Variants in GAS2L1 observed in about 807,000 individuals in gnomAD.
GAS2L1 encodes GAS2-like protein 1.
A neutral mutation model predicts 44.0 loss-of-function variants in GAS2L1; 26 were observed. That is an observed-to-expected ratio of 0.59 (90% CI 0.43 to 0.82). GAS2L1 has a LOEUF of 0.82. GAS2L1 is among the 40% of genes least tolerant of loss of function. The probability of loss-of-function intolerance (pLI) is 0.00; values close to 1 mark genes in which losing one functional copy is unlikely to be tolerated. For synonymous variants in GAS2L1, 426 were observed against 415.9 expected (o/e 1.02, Z -0.30); for missense variants, 1,006 against 983.0 (o/e 1.02, Z -0.31).
rs887376204 is a variant in GAS2L1, at chr22:29,312,337, G to A, written c.1886G>A (p.Arg629Lys). 4 of 1,605,142 alleles carry A rather than the reference G, an allele frequency of 2.5e-6. No individual in the cohort carries two copies. In the East Asian group the frequency reaches 9.0e-5, roughly 36 times the overall value. The change falls in exon 5 of 5, where the codon AGG becomes AAG. Residue 629 changes from arginine (R) to lysine (K), a missense_variant. Arg to Lys is a conservative substitution (Grantham distance 26). Transcript: ENST00000618518. ...CCCCTGGCTTGCACTGAACCCTCGA[G>A]GACCTGGGCACGGGGTCGGATGGAC...
chr22:29,309,879 G>A (rs1010540104), intron 1 of GAS2L1, among the ~76,000 whole-genome samples: 4 of 152,182 alleles, frequency 2.6e-5, no homozygotes, highest in Non-Finnish European at 5.9e-5. Context: ...GTTCGTCACC[G>A]GGTCTCAGAC....
At chr22:29,310,616 C>G (rs931785045) in intron 2 of GAS2L1, 22 bp from the exon 4 acceptor site, 3 of 1,599,936 alleles carry the variant, frequency 1.9e-6, no homozygotes, top group East Asian at 2.2e-5. Context: ...GGGGCACAGC[C>G]GTGACCTGCC....
exon 4 of GAS2L1, chr22:29,310,935 C>T: frequency 1.2e-6 from 2 of 1,613,738 alleles, no homozygotes; most frequent in Non-Finnish European, 1.7e-6. Flanking sequence ...CGCCGGGGCT[C>T]CCGGCCTGAG....
exon 1 of GAS2L1, chr22:29,308,406 G>A (rs2061370724): frequency 1.2e-6 from 2 of 1,608,256 alleles, no homozygotes; most frequent in Non-Finnish European, 8.5e-7. Flanking sequence ...CATGGCGCGC[G>A]ACAACGTGGC....
At chr22:29,307,260 C>G (rs1369893365) in exon 1 of GAS2L1, 1 of 152,222 alleles carries the variant, frequency 6.6e-6, no homozygotes, top group Non-Finnish European at 1.5e-5. Context: ...GGCTGTGTGA[C>G]CTTGGGCGGC....
rs542840621 is a variant in GAS2L1 at position 29,308,097 on chromosome 22, G to A, written c.-9G>A. 1.1e-5 allele frequency: 17 copies of A among 1,538,214 alleles called. No homozygotes were observed. In the African/African-American group the frequency reaches 1.6e-4, roughly 15 times the overall value. ...TGTTCCTGCCCACAGTGACTCGGCC[G>A]GTCCGGGCATGGCAGACCCAGTGGC... is the stretch of plus-strand genomic sequence containing the variant. On this transcript the variant is annotated 5_prime_UTR_variant, in exon 1 of 5. Transcript: ENST00000618518.
chr22:29,308,164 G>A lies in GAS2L1; in HGVS notation c.59G>A (p.Arg20His), dbSNP rs2061366975. The stretch of plus-strand genomic sequence containing the variant: ...GCGGCCAAGAGCGTGCGGCCATTTC[G>A]CTCCAGTGAGGCCTACGTGGAGGCC... Residue 20 changes from arginine to histidine, a missense_variant, in exon 1 of 5, where the codon CGC becomes CAC. Arg to His is a conservative substitution (Grantham distance 29). Coordinates refer to ENST00000618518, the Ensembl canonical transcript of GAS2L1. The A allele has an allele frequency of 4.4e-6, 7 of 1,591,960 alleles. No individual in the cohort carries two copies. The highest frequency in any genetic ancestry group is 1.7e-5 in the Admixed American group (1 of 59,048).
chr22:29,310,911 T>A, exon 4 of GAS2L1: 1 of 1,613,546 alleles, frequency 6.2e-7, no homozygotes. Flanking sequence ...GCTAGCCCAG[T>A]CCCTGGGAGT....
At chr22:29,311,333 C>T (rs2061403145) in intron 4 of GAS2L1, 129 bp from the exon 6 acceptor site, 1 of 599,730 alleles carries the variant, frequency 1.7e-6, no homozygotes, top group Non-Finnish European at 2.9e-6. Context: ...CCTGGAAGTC[C>T]CCAGGACAGA....
chr22:29,309,375 A>G (rs911822094), intron 1 of GAS2L1, among the ~76,000 whole-genome samples: 2 of 152,180 alleles, frequency 1.3e-5, no homozygotes, highest in Non-Finnish European at 2.9e-5. Context: ...CTCCTCTCCC[A>G]GGATCTGGGT....
exon 5 of GAS2L1, chr22:29,312,071 C>T (rs1405355960): frequency 1.2e-6 from 2 of 1,612,848 alleles, no homozygotes; most frequent in African/African-American, 1.3e-5. Context: ...GCGTGACCCC[C>T]ACTGGACCAG....
chr22:29,311,491 G>A (rs892564399), exon 5 of GAS2L1: 11 of 1,483,596 alleles, frequency 7.4e-6, no homozygotes, highest in Non-Finnish European at 9.9e-6. Context: ...CCCCATCCCC[G>A]CTCCCGCCGC....
chr22:29,310,512 G>C (rs931687305), exon 2 of GAS2L1: 5 of 1,611,192 alleles, frequency 3.1e-6, no homozygotes, highest in Admixed American at 3.3e-5. Flanking sequence ...GGGAAGTACC[G>C]TGTGGGGGAC....
Position 29,308,688 on chromosome 22 carries a change from G to A in GAS2L1, c.583G>A (p.Ala195Thr), listed in dbSNP as rs766096399. The A allele has an allele frequency of 4.0e-6, 6 of 1,506,818 alleles. No individual in the cohort carries two copies. In the South Asian group the frequency reaches 5.3e-5, roughly 13 times the overall value. The allele number at this position is 1,506,818 out of a possible 1,614,324, so 93.3% of individuals were successfully genotyped here. The change falls in exon 1 of 5, where the codon GCC becomes ACC. Residue 195 changes from alanine (A) to threonine (T), a missense_variant. Physicochemically the swap from Ala to Thr is moderately conservative, Grantham distance 58 (BLOSUM62 0). Transcript: ENST00000618518. Reference sequence around the variant, plus strand: ...AACCGCCCCCGCACCAGGGACTCCTGCCCGCGGCCCCCGCATGACACCCAG... The same window carrying A: ...AACCGCCCCCGCACCAGGGACTCCTACCCGCGGCCCCCGCATGACACCCAG...
Position 29,308,745 on chromosome 22 carries a change from C to A in GAS2L1, c.633+7C>A, listed in dbSNP as rs1350549234. 8 of 1,483,074 alleles carry A rather than the reference C, an allele frequency of 5.4e-6. No homozygotes were observed. Among genetic ancestry groups the A allele is most frequent in the Admixed American group, 4.7e-5 (2 of 42,256 alleles). The allele number at this position is 1,483,074 out of a possible 1,614,324, so 91.9% of individuals were successfully genotyped here. A position where few individuals can be genotyped will look rare whatever the true frequency, so the allele number is the denominator to read the frequency against. On this transcript the variant is annotated splice_region_variant and intron_variant, in intron 1 of 4. Transcript: ENST00000618518. Reference sequence around the variant, plus strand: ...GCGCAACCTCGACGAGCTGGTGAGTCCCCCAGCACCAGGTGCCAGGGACCC... The same window carrying A: ...GCGCAACCTCGACGAGCTGGTGAGTACCCCAGCACCAGGTGCCAGGGACCC...
exon 5 of GAS2L1, chr22:29,312,242 C>T: frequency 6.2e-7 from 1 of 1,612,958 alleles, no homozygotes; most frequent in Non-Finnish European, 8.5e-7. Flanking sequence ...GAAGCCAAGC[C>T]CTTTCCAGCT....
chr22:29,310,069 C>A (rs972834535), intron 1 of GAS2L1, among the ~76,000 whole-genome samples: 18 of 151,968 alleles, frequency 1.2e-4, no homozygotes, highest in Non-Finnish European at 1.6e-4. Context: ...ATGGAGAAAC[C>A]CCATCTCTAC....
chr22:29,311,875 C>G (rs1267680327), exon 5 of GAS2L1: 3 of 1,597,634 alleles, frequency 1.9e-6, no homozygotes, highest in Middle Eastern at 3.3e-4. Context: ...CCCCAGACTC[C>G]CCGTGCCCGC....
chr22:29,311,889 C>A, exon 5 of GAS2L1: 4 of 1,600,164 alleles, frequency 2.5e-6, no homozygotes, highest in Non-Finnish European at 2.5e-6. Context: ...TGCCCGCAGC[C>A]CTGCAGCACC....
Sources: allele counts gnomAD v4.1 joint callset (sites outside exome capture counted in the v4.1 genomes callset), GRCh38; gene constraint gnomAD v4.1.1; transcripts MANE v1.5; gene names NCBI Gene and HGNC (gene_info 2026-07-23, HGNC 2026-07-21).